Variants in BNC2 observed in about 807,000 individuals in gnomAD.
The protein encoded by BNC2 is basonuclin zinc finger protein 2.
BNC2 carries 20 observed loss-of-function variants against 76.3 expected under a neutral mutation model. The observed-to-expected ratio is 0.26, with a 90% CI of 0.18 to 0.38. BNC2 has a LOEUF of 0.38. BNC2 is among the 10% of genes least tolerant of loss of function. The pLI, the probability that BNC2 is intolerant of heterozygous loss-of-function variation, is 1.00. For synonymous variants in BNC2, 582 were observed against 514.8 expected (o/e 1.13, Z -1.77); for missense variants, 1,382 against 1,399.8 (o/e 0.99, Z 0.20).
At chr9:16,736,176 G>A (rs1363785157) in intron 2 of BNC2, among the ~76,000 whole-genome samples, 1 of 150,570 alleles carries the variant, frequency 6.6e-6, no homozygotes, top group Non-Finnish European at 1.5e-5. Context: ...AGAGGTTGCA[G>A]TGACCCAAGA....
chr9:16,688,095 G>C (rs1823030065), intron 3 of BNC2, among the ~76,000 whole-genome samples: 2 of 152,132 alleles, frequency 1.3e-5, no homozygotes, highest in South Asian at 4.1e-4. Flanking sequence ...AGGGATAAGA[G>C]ATTCAAATCA....
chr9:16,636,616 G>A (rs1821336310), intron 3 of BNC2, among the ~76,000 whole-genome samples: 4 of 152,072 alleles, frequency 2.6e-5, no homozygotes, highest in African/African-American at 2.4e-5. Flanking sequence ...TAAGCTTTTT[G>A]TATAATGCCT....
intron 6 of BNC2, among the ~76,000 whole-genome samples, chr9:16,422,775 G>A (rs906979561): frequency 6.6e-6 from 1 of 152,190 alleles, no homozygotes; most frequent in Non-Finnish European, 1.5e-5. Context: ...AGAGGTTACG[G>A]TTCAGTCTCC....
chr9:16,703,868 A>G (rs1001939774), intron 3 of BNC2, among the ~76,000 whole-genome samples: 11 of 152,160 alleles, frequency 7.2e-5, no homozygotes, highest in African/African-American at 1.9e-4. Flanking sequence ...GTTTTTTCTT[A>G]TAACTATTTG....
chr9:16,860,696 A>G (rs1819384242), intron 1 of BNC2, among the ~76,000 whole-genome samples: 2 of 152,218 alleles, frequency 1.3e-5, no homozygotes, highest in Non-Finnish European at 2.9e-5. Flanking sequence ...AAAATTGATA[A>G]ATTAGACTTC....
intron 2 of BNC2, among the ~76,000 whole-genome samples, chr9:16,728,389 A>G (rs1824412744): frequency 6.6e-6 from 1 of 152,152 alleles, no homozygotes; most frequent in South Asian, 2.1e-4. Flanking sequence ...ACACTTATGC[A>G]CACTCCAGGC....
intron 3 of BNC2, among the ~76,000 whole-genome samples, chr9:16,714,098 G>C (rs1823929873): frequency 6.6e-6 from 1 of 152,298 alleles, no homozygotes; most frequent in East Asian, 1.9e-4. Context: ...CCACCAAAAT[G>C]ATACTAATTT....
At position 16,540,937 on chromosome 9, in the gene BNC2, G is replaced by T. The variant is rs538744302; in HGVS notation, c.669+11593C>A. ...CAAAGATGACATGTTTGATTCTCCA[G>T]GGTTCTTACTCGCCCTATGGCCATG... On this transcript the variant is annotated intron_variant, in intron 5 of 6. Coordinates refer to ENST00000380672, the MANE Select transcript of BNC2 (RefSeq NM_017637.6). 7.7e-4 allele frequency among the ~76,000 whole-genome samples: 118 copies of T among 152,282 alleles called. 1 individual carries two copies. The highest frequency in any genetic ancestry group is 1.6e-3 in the Non-Finnish European group (106 of 68,022).
intron 3 of BNC2, among the ~76,000 whole-genome samples, chr9:16,609,100 G>T (rs764318454): frequency 3.3e-5 from 5 of 152,140 alleles, no homozygotes; most frequent in Non-Finnish European, 7.3e-5. Context: ...AGCAGGCTTG[G>T]CTAACTCTGA....
chr9:16,848,389 C>A (rs1462006904), intron 1 of BNC2, among the ~76,000 whole-genome samples: 1 of 152,036 alleles, frequency 6.6e-6, no homozygotes, highest in African/African-American at 2.4e-5. Flanking sequence ...AATAATCCAC[C>A]CTGGAACAAG....
chr9:16,796,332 G>C (rs542909514), intron 1 of BNC2, among the ~76,000 whole-genome samples: 2 of 152,158 alleles, frequency 1.3e-5, no homozygotes, highest in African/African-American at 2.4e-5. Context: ...CACCCTGATA[G>C]ATTTCATAAC....
intron 1 of BNC2, among the ~76,000 whole-genome samples, chr9:16,836,455 T>G (rs112322227): frequency 1.3e-5 from 2 of 151,648 alleles, no homozygotes; most frequent in Admixed American, 6.6e-5. Flanking sequence ...TGGCCATGAA[T>G]GTGAAGAAAC....
chr9:16,870,405 C>A (rs995512407), intron 1 of BNC2, among the ~76,000 whole-genome samples: 1 of 152,096 alleles, frequency 6.6e-6, no homozygotes, highest in Non-Finnish European at 1.5e-5. Flanking sequence ...GTGCACCCTC[C>A]CACCTAGAGC....
intron 6 of BNC2, among the ~76,000 whole-genome samples, chr9:16,424,325 G>A (rs1820764157): frequency 6.6e-6 from 1 of 151,128 alleles, no homozygotes; most frequent in Admixed American, 6.6e-5. Flanking sequence ...GGCAGTCAGA[G>A]ACTGAATAAT....
At chr9:16,773,837 G>C (rs181822122) in intron 1 of BNC2, among the ~76,000 whole-genome samples, 1 of 152,056 alleles carries the variant, frequency 6.6e-6, no homozygotes, top group Non-Finnish European at 1.5e-5. Flanking sequence ...TTTTCTAACA[G>C]TACGTCCTTT....
intron 1 of BNC2, among the ~76,000 whole-genome samples, chr9:16,758,223 C>T (rs1451273360): frequency 6.6e-6 from 1 of 152,210 alleles, no homozygotes; most frequent in African/African-American, 2.4e-5. Context: ...CTGACCACAG[C>T]TGGGAAAAGT....
chr9:16,528,388 C>T (rs1428184731), intron 5 of BNC2, among the ~76,000 whole-genome samples: 4 of 152,074 alleles, frequency 2.6e-5, no homozygotes, highest in African/African-American at 9.7e-5. Flanking sequence ...TATTTATTCT[C>T]ATAGATTTTC....
intron 6 of BNC2, among the ~76,000 whole-genome samples, chr9:16,425,028 G>A (rs1050083955): frequency 6.6e-6 from 1 of 152,116 alleles, no homozygotes; most frequent in African/African-American, 2.4e-5. Flanking sequence ...AGCTCAGGAA[G>A]AAAATTCAAT....
intron 3 of BNC2, among the ~76,000 whole-genome samples, chr9:16,687,220 G>A (rs1373336087): frequency 1.3e-5 from 2 of 152,070 alleles, no homozygotes; most frequent in Non-Finnish European, 2.9e-5. Flanking sequence ...AAAAAAAAAT[G>A]TAATAACTAC....
Sources: gnomAD v4.1 joint callset for allele counts (sites outside exome capture counted in the v4.1 genomes callset) on GRCh38, gnomAD v4.1.1 for gene constraint, MANE v1.5 for transcripts, NCBI Gene and HGNC (gene_info 2026-07-23, HGNC 2026-07-21) for gene names.